The following TRIQK variants were observed in gnomAD, a reference collection of about 807,000 sequenced individuals.
The protein encoded by TRIQK is triple QxxK/R motif-containing protein.
A neutral mutation model predicts 10.8 loss-of-function variants in TRIQK; 10 were observed. That is an observed-to-expected ratio of 0.92 (90% CI 0.57 to 1.57). The LOEUF (loss-of-function observed/expected upper bound fraction) is 1.57, where lower values mean the gene tolerates loss of function less well. Ranked by LOEUF, TRIQK falls within the 40% of genes most tolerant of loss-of-function variation. TRIQK has a pLI of 0.00. For synonymous variants in TRIQK, 33 were observed against 33.7 expected (o/e 0.98, Z 0.07); for missense variants, 107 against 97.7 (o/e 1.09, Z -0.40).
chr8:92,947,957 A>G (rs968060507), intron 2 of TRIQK, among the ~76,000 whole-genome samples: 2 of 152,184 alleles, frequency 1.3e-5, no homozygotes, highest in Non-Finnish European at 2.9e-5. Flanking sequence ...AATTACAATG[A>G]TAGGATTCTG....
intron 1 of TRIQK, among the ~76,000 whole-genome samples, chr8:92,979,321 A>G (rs950491716): frequency 6.6e-6 from 1 of 152,052 alleles, no homozygotes; most frequent in African/African-American, 2.4e-5. Flanking sequence ...CACTGTTGTC[A>G]CTCTCTGGAA....
chr8:92,927,224 G>T lies in TRIQK; in HGVS notation c.-21-10214C>A, dbSNP rs1008375800. On this transcript the variant is annotated intron_variant, in intron 2 of 4. Coordinates refer to ENST00000521988, the MANE Select transcript of TRIQK (RefSeq NM_001171797.2). ...GCTACCTAGTGCTGACATAGGGAAG[G>T]GTAGTCTACTAGAGTAAGTAAAATT... is the stretch of plus-strand genomic sequence containing the variant. 4.6e-5 allele frequency among the ~76,000 whole-genome samples: 7 copies of T among 152,010 alleles called. No homozygotes were observed. In the East Asian group the frequency reaches 1.3e-3, roughly 29 times the overall value.
At chr8:92,906,919 C>CTT (rs1809297749) in intron 3 of TRIQK, among the ~76,000 whole-genome samples, 1 of 151,378 alleles carries the variant, frequency 6.6e-6, no homozygotes, top group Non-Finnish European at 1.5e-5. Flanking sequence ...AAATACTGGA[C>CTT]TTAGTGAACA....
chr8:92,953,922 T>G (rs1467492170), intron 2 of TRIQK: 1 of 151,852 alleles, frequency 6.6e-6, no homozygotes, highest in Admixed American at 6.6e-5. Flanking sequence ...CCACAATACA[T>G]AAGAAAAATG....
At chr8:93,000,615 C>T (rs139361201) in intron 1 of TRIQK, among the ~76,000 whole-genome samples, 90 of 152,094 alleles carry the variant, frequency 5.9e-4, no homozygotes, top group East Asian at 3.3e-3. Flanking sequence ...ATATCAATAT[C>T]TCAAATAAGT....
chr8:92,902,075 T>C lies in TRIQK; in HGVS notation c.62-10001A>G, dbSNP rs563767337. Among the ~76,000 whole-genome samples the C allele has an allele frequency of 9.2e-5, 14 of 152,288 alleles. No individual in the cohort carries two copies. In the South Asian group the frequency reaches 2.7e-3, roughly 29 times the overall value. On this transcript the variant is annotated intron_variant, in intron 3 of 4. Coordinates refer to ENST00000521988, the MANE Select transcript of TRIQK (RefSeq NM_001171797.2). The stretch of plus-strand genomic sequence containing the variant: ...TTTTTTATTTCTGAAATATCACTTG[T>C]AATGCCTCCTTTTTCATCTCTGATG...
rs376377788 is a variant in TRIQK at position 92,923,186 on chromosome 8, T to C, written c.-21-6176A>G. ...TTAAAATGTTCTGACTTTTCTTTGTTCTTCAAAGCCTTGCAGTAATCATCA... is the reference window on the plus strand; with the variant it reads ...TTAAAATGTTCTGACTTTTCTTTGTCCTTCAAAGCCTTGCAGTAATCATCA... On this transcript the variant is annotated intron_variant, in intron 2 of 4. Coordinates refer to ENST00000521988, the MANE Select transcript of TRIQK (RefSeq NM_001171797.2). Among the ~76,000 whole-genome samples the C allele has an allele frequency of 2.8e-4, 42 of 151,912 alleles. No homozygotes were observed. The East Asian group carries it at 7.1e-3, about 26-fold the overall frequency.
Position 92,941,756 on chromosome 8 carries a change from C to A in TRIQK, c.-22+12650G>T, listed in dbSNP as rs143530835. Among the ~76,000 whole-genome samples the A allele has an allele frequency of 6.4e-4, 97 of 152,072 alleles. 1 individual carries two copies. The highest frequency in any genetic ancestry group is 2.2e-3 in the African/African-American group (93 of 41,490). The stretch of plus-strand genomic sequence containing the variant: ...TAATGATGGAAAAGAAGGCATTGCA[C>A]TGAAATCACAAAAATGCAAAAGGTC... On this transcript the variant is annotated intron_variant, in intron 2 of 4. Coordinates refer to ENST00000521988, the MANE Select transcript of TRIQK (RefSeq NM_001171797.2).
At chr8:93,008,432 TGA>T (rs1813296315) in intron 1 of TRIQK, among the ~76,000 whole-genome samples, 1 of 152,168 alleles carries the variant, frequency 6.6e-6, no homozygotes, top group East Asian at 1.9e-4. Context: ...TCAATGTAGA[TGA>T]CTACATTTTG....
chr8:92,913,739 A>G (rs1213031204), intron 3 of TRIQK, among the ~76,000 whole-genome samples: 1 of 152,204 alleles, frequency 6.6e-6, no homozygotes, highest in Non-Finnish European at 1.5e-5. Flanking sequence ...TCAATGATAG[A>G]CTGGATAATG....
At chr8:92,981,078 A>T (rs1317516929) in intron 1 of TRIQK, among the ~76,000 whole-genome samples, 1 of 151,826 alleles carries the variant, frequency 6.6e-6, no homozygotes, top group African/African-American at 2.4e-5. Flanking sequence ...GCTTATAATT[A>T]ATGTATCTTT....
intron 1 of TRIQK, among the ~76,000 whole-genome samples, chr8:92,997,325 T>A (rs1389890642): frequency 1.3e-5 from 2 of 152,036 alleles, no homozygotes; most frequent in African/African-American, 4.8e-5. Flanking sequence ...CTTGTTGGAC[T>A]TTTTACAGTA....
intron 4 of TRIQK, 60 bp from the exon 5 acceptor site, chr8:92,886,795 GT>G: frequency 1.1e-6 from 1 of 884,436 alleles, no homozygotes; most frequent in Non-Finnish European, 1.8e-6. Flanking sequence ...AACATTATTA[GT>G]TTCACCAGAT....
chr8:92,959,520 CACAA>C (rs1440239053), intron 1 of TRIQK, among the ~76,000 whole-genome samples: 12 of 131,594 alleles, frequency 9.1e-5, no homozygotes, highest in South Asian at 4.9e-4. Context: ...CACACACACA[CACAA>C]AATGGCTTTT....
intron 1 of TRIQK, among the ~76,000 whole-genome samples, chr8:93,014,716 G>A (rs779619474): frequency 2.0e-4 from 30 of 152,020 alleles, no homozygotes; most frequent in Non-Finnish European, 3.4e-4. Flanking sequence ...AGTGTGGGAG[G>A]AGGAGATGCT....
intron 1 of TRIQK, among the ~76,000 whole-genome samples, chr8:93,010,994 T>C (rs978165078): frequency 2.0e-5 from 3 of 152,096 alleles, no homozygotes; most frequent in Admixed American, 1.3e-4. Context: ...ACACGCACTT[T>C]GAAGCATGTC....
chr8:92,999,206 A>G (rs1440209502), intron 1 of TRIQK, among the ~76,000 whole-genome samples: 3 of 152,168 alleles, frequency 2.0e-5, no homozygotes, highest in South Asian at 2.1e-4. Context: ...GTTGAATACT[A>G]GCTATTGCTG....
intron 3 of TRIQK, among the ~76,000 whole-genome samples, chr8:92,898,591 TCTC>T (rs1394581226): frequency 1.3e-5 from 2 of 151,908 alleles, no homozygotes; most frequent in Admixed American, 1.3e-4. Flanking sequence ...AAGAAGTACT[TCTC>T]CTCCATAGCT....
intron 2 of TRIQK, among the ~76,000 whole-genome samples, chr8:92,932,620 C>T (rs1475311243): frequency 6.6e-6 from 1 of 151,908 alleles, no homozygotes; most frequent in African/African-American, 2.4e-5. Flanking sequence ...ATTGATGTTT[C>T]TCGGTTGAAT....
Sources: allele counts gnomAD v4.1 joint callset (sites outside exome capture counted in the v4.1 genomes callset), GRCh38; gene constraint gnomAD v4.1.1; transcripts MANE v1.5; gene names NCBI Gene and HGNC (gene_info 2026-07-23, HGNC 2026-07-21).